ECM2: variants seen among roughly 807,000 people sequenced by gnomAD.
The protein encoded by ECM2 is extracellular matrix protein 2.
ECM2 carries 57 observed loss-of-function variants against 67.5 expected under a neutral mutation model. That is an observed-to-expected ratio of 0.84 (90% CI 0.68 to 1.05). ECM2 has a LOEUF of 1.05. ECM2 is among the 50% of genes least tolerant of loss of function. The probability of loss-of-function intolerance (pLI) is 0.00; values close to 1 mark genes in which losing one functional copy is unlikely to be tolerated. For missense variants in ECM2, 741 were observed against 822.8 expected (o/e 0.90, Z 1.22); for synonymous variants, 258 against 294.5 (o/e 0.88, Z 1.27).
chr9:92,546,719 C>T, the ECM2 span, among the ~76,000 whole-genome samples: 1 of 152,136 alleles, frequency 6.6e-6, no homozygotes, highest in East Asian at 1.9e-4. Context: ...ACCAAGAACC[C>T]AGCAGTTCTG....
intron 1 of ECM2, among the ~76,000 whole-genome samples, chr9:92,535,027 C>G (rs1465643267): frequency 6.6e-6 from 1 of 152,082 alleles, no homozygotes; most frequent in Non-Finnish European, 1.5e-5. Context: ...TGTGAATGTG[C>G]CAGCTGTGGC....
intron 1 of ECM2, among the ~76,000 whole-genome samples, chr9:92,533,332 T>TATATATATATATATAC (rs1848971716): frequency 1.3e-5 from 1 of 75,738 alleles, no homozygotes; most frequent in Non-Finnish European, 2.6e-5. Context: ...AAAAAAAATA[T>TATATATATATATATAC]ATATATATAT....
chr9:92,545,830 C>T, the ECM2 span, among the ~76,000 whole-genome samples: 2 of 152,194 alleles, frequency 1.3e-5, no homozygotes, highest in African/African-American at 2.4e-5. Flanking sequence ...CCAATCAGCA[C>T]ACTGTGTCTA....
chr9:92,533,328 A>AAAAAAAATATATATAT (rs1554683138), intron 1 of ECM2, among the ~76,000 whole-genome samples: 2 of 38,332 alleles, frequency 5.2e-5, no homozygotes, highest in African/African-American at 1.5e-4. Context: ...AAAAAAAAAA[A>AAAAAAAATATATATAT]ATATATATAT....
chr9:92,521,868 T>C (rs1467508320), intron 2 of ECM2, among the ~76,000 whole-genome samples: 1 of 152,202 alleles, frequency 6.6e-6, no homozygotes, highest in Non-Finnish European at 1.5e-5. Flanking sequence ...TCTATTGTTA[T>C]AAATGGAAAG....
chr9:92,509,965 A>G lies in ECM2; in HGVS notation c.1240T>C (p.Ser414Pro). Residue 414 changes from serine (S) to proline (P), a missense_variant, in exon 6 of 10, where the codon TCT (serine) becomes CCT (proline). Physicochemically the swap from Ser to Pro is moderately conservative, Grantham distance 74. Transcript: ENST00000344604. ...TTGACTTTAAGTTCTTCTAATGTAG[A>G]TGGCAATTGTGAAGGAATCTGTATC... ...NLIQIPSQLP[S>P]TLEELKVNEN... The G allele has an allele frequency of 6.2e-7, 1 of 1,611,030 alleles. No homozygotes were observed. The highest frequency in any genetic ancestry group is 2.2e-5 in the East Asian group (1 of 44,844).
chr9:92,513,285 G>T (rs1464391232), intron 4 of ECM2, among the ~76,000 whole-genome samples: 1 of 152,144 alleles, frequency 6.6e-6, no homozygotes, highest in Non-Finnish European at 1.5e-5. Context: ...TGTCAAAAAG[G>T]AAGGGAGAAA....
chr9:92,527,685 C>A (rs1848497376), intron 1 of ECM2, among the ~76,000 whole-genome samples: 1 of 152,056 alleles, frequency 6.6e-6, no homozygotes, highest in Admixed American at 6.6e-5. Flanking sequence ...ACAGTGTCTA[C>A]CACCCAAATG....
intron 2 of ECM2, among the ~76,000 whole-genome samples, chr9:92,520,432 C>T (rs1847996433): frequency 6.6e-6 from 1 of 152,100 alleles, no homozygotes; most frequent in South Asian, 2.1e-4. Context: ...CCACTTCATA[C>T]AAGAACAGCT....
intron 9 of ECM2, among the ~76,000 whole-genome samples, chr9:92,498,572 AAAAG>A (rs1265156296): frequency 6.6e-6 from 1 of 152,166 alleles, no homozygotes; most frequent in Non-Finnish European, 1.5e-5. Flanking sequence ...TATTAATTCA[AAAAG>A]AAAAGAGCAA....
At chr9:92,518,477 T>C (rs1174963052) in intron 2 of ECM2, among the ~76,000 whole-genome samples, 1 of 152,174 alleles carries the variant, frequency 6.6e-6, no homozygotes, top group Non-Finnish European at 1.5e-5. Flanking sequence ...GATATGCACA[T>C]GGGAATAGGT....
At chr9:92,505,737 T>G in intron 6 of ECM2, 47 bp from the exon 7 acceptor site, 1 of 1,447,706 alleles carries the variant, frequency 6.9e-7, no homozygotes, top group Non-Finnish European at 9.3e-7. Context: ...TGAAAAACCA[T>G]GCAAATTTTT....
downstream of ECM2, chr9:92,493,972 A>T (rs1020034140): frequency 4.9e-5 from 48 of 980,544 alleles, no homozygotes; most frequent in African/African-American, 7.3e-4. Flanking sequence ...GGGTGGCCGT[A>T]GTCTCCTGGC....
the ECM2 span, among the ~76,000 whole-genome samples, chr9:92,544,768 T>G: frequency 6.7e-6 from 1 of 150,288 alleles, no homozygotes; most frequent in Non-Finnish European, 1.5e-5. Flanking sequence ...CAGGCTGATG[T>G]GCAGTGGCGC....
chr9:92,551,280 T>C, the ECM2 span, among the ~76,000 whole-genome samples: 3,139 of 152,190 alleles, frequency 0.021, 115 homozygotes, highest in African/African-American at 0.072. Flanking sequence ...TGTTATATAG[T>C]AAGGAGTTAA....
chr9:92,522,845 A>G lies in ECM2; in HGVS notation c.22T>C (p.Cys8Arg). The change falls in exon 2 of 10, where the codon TGT becomes CGT. Residue 8 changes from cysteine (C) to arginine (R), a missense_variant. Physicochemically the swap from Cys to Arg is radical, Grantham distance 180 (BLOSUM62 -3). Transcript: ENST00000344604. MKIAVLF[C>R]FFLLIIFQTD... is the part of the protein sequence containing the mutation. ...TGAAAAATGATAAGCAGAAAAAAAC[A>G]AAACAAAACTGCAATCTTCATGTTT... 8 of 1,606,560 alleles carry G rather than the reference A, an allele frequency of 5.0e-6. No individual in the cohort carries two copies. The highest frequency in any genetic ancestry group is 6.8e-6 in the Non-Finnish European group (8 of 1,178,122).
rs780853077 is a variant in ECM2, at chr9:92,496,476, G to A, written c.1939C>T (p.Leu647Phe). Reference protein sequence around the residue: ...RLNNNKIRNILPEEICNAEED... With the variant: ...RLNNNKIRNIFPEEICNAEED... ...TCAGCATTGCAAATTTCTTCTGGAA[G>A]AATGTTCCTAAGGAAAAATAGACAT... Residue 647 changes from leucine (L) to phenylalanine (F), a missense_variant, in exon 10 of 10, where the codon CTT (leucine) becomes TTT (phenylalanine). By Grantham distance (22) the Leu-to-Phe change is conservative (BLOSUM62 0). Coordinates refer to ENST00000344604, the MANE Select transcript of ECM2 (RefSeq NM_001393.4). 8 of 1,608,586 alleles carry A rather than the reference G, an allele frequency of 5.0e-6. No individual in the cohort carries two copies. Among genetic ancestry groups the A allele is most frequent in the Non-Finnish European group, 6.8e-6 (8 of 1,178,798 alleles).
intron 7 of ECM2, among the ~76,000 whole-genome samples, chr9:92,503,897 C>T (rs1190505067): frequency 6.6e-6 from 1 of 152,202 alleles, no homozygotes; most frequent in Non-Finnish European, 1.5e-5. Flanking sequence ...ATGAGACAGC[C>T]TTGAGGCTGC....
chr9:92,545,419 G>A, the ECM2 span, among the ~76,000 whole-genome samples: 1 of 152,164 alleles, frequency 6.6e-6, no homozygotes, highest in Non-Finnish European at 1.5e-5. Context: ...GGTGCGTCGG[G>A]TACCCCAGCA....
Sources: gnomAD v4.1 joint callset for allele counts (sites outside exome capture counted in the v4.1 genomes callset) on GRCh38, gnomAD v4.1.1 for gene constraint, MANE v1.5 for transcripts, NCBI Gene and HGNC (gene_info 2026-07-23, HGNC 2026-07-21) for gene names.